Variants in MRPL44 observed in about 807,000 individuals in gnomAD.
MRPL44 encodes the protein large ribosomal subunit protein mL44.
In MRPL44, 21 loss-of-function variants were observed where a neutral mutation model predicts 25.9. That is an observed-to-expected ratio of 0.81 (90% CI 0.58 to 1.17). The LOEUF is 1.17. Among genes scored for constraint, MRPL44 ranks in the 50% most tolerant of loss-of-function variants. The pLI, the probability that MRPL44 is intolerant of heterozygous loss-of-function variation, is 0.00. For synonymous variants in MRPL44, 169 were observed against 151.0 expected (o/e 1.12, Z -0.87); for missense variants, 410 against 398.9 (o/e 1.03, Z -0.24).
At chr2:223,962,902 A>G (rs756263875) in intron 2 of MRPL44, among the ~76,000 whole-genome samples, 2 of 151,964 alleles carry the variant, frequency 1.3e-5, no homozygotes, top group African/African-American at 4.8e-5. Context: ...GGGTTTCACC[A>G]TGTTGGCCAG....
chr2:223,955,414 T>C (rs1689549866), upstream of MRPL44, among the ~76,000 whole-genome samples: 1 of 152,276 alleles, frequency 6.6e-6, no homozygotes, highest in Admixed American at 6.5e-5. Flanking sequence ...TTAGCTAATC[T>C]ATGAAGTAGT....
chr2:223,967,139 T>C lies in MRPL44; in HGVS notation c.*105T>C. ...CAATTGTGAAGAAATAGATGTTTTG[T>C]TTCTGTTTTTTACTGTGTTCCCAAA... On this transcript the variant is annotated 3_prime_UTR_variant, in exon 4 of 4. Coordinates refer to ENST00000258383, the MANE Select transcript of MRPL44 (RefSeq NM_022915.5). 1 of 1,152,372 alleles carries C rather than the reference T, an allele frequency of 8.7e-7. No homozygotes were observed. The highest frequency in any genetic ancestry group is 1.8e-5 in the South Asian group (1 of 54,412). 71.4% of individuals were successfully genotyped at this position (1,152,372 alleles called of 1,614,324 possible).
chr2:223,967,177 T>TC lies in MRPL44; in HGVS notation c.*143_*144insC, dbSNP rs1689755749. On this transcript the variant is annotated 3_prime_UTR_variant, in exon 4 of 4. Transcript: ENST00000258383. ...CTGTGTTCCCAAAATTAAATAAGTGTTAACCAAGTCACAGTGTTTTTGGTT... is the reference window on the plus strand; with the variant it reads ...CTGTGTTCCCAAAATTAAATAAGTGTCTAACCAAGTCACAGTGTTTTTGGTT... 1.3e-6 allele frequency: 1 copy of TC among 778,286 alleles called. No homozygotes were observed. The highest frequency in any genetic ancestry group is 1.8e-5 in the African/African-American group (1 of 56,188). The allele number at this position is 778,286 out of a possible 1,614,324, so 48.2% of individuals were successfully genotyped here.
chr2:223,957,688 G>A lies in MRPL44; in HGVS notation c.179+37G>A, dbSNP rs1369371097. The A allele has an allele frequency of 9.5e-6, 15 of 1,576,880 alleles. No individual in the cohort carries two copies. In the African/African-American group the frequency reaches 1.6e-4, roughly 17 times the overall value. ...CTCGGGAAGAGGTCTCAGGGTGGCG[G>A]TCGCAGACACTGGGTCTTCTTCCCG... On this transcript the variant is annotated intron_variant, in intron 1 of 3. Transcript: ENST00000258383.
chr2:223,953,961 C>G (rs1324226821), upstream of MRPL44, among the ~76,000 whole-genome samples: 1 of 152,166 alleles, frequency 6.6e-6, no homozygotes, highest in Non-Finnish European at 1.5e-5. Context: ...TAATAGGTAT[C>G]CCTCTCTCAG....
chr2:223,964,280 T>C (rs1463067703), intron 3 of MRPL44, among the ~76,000 whole-genome samples: 1 of 152,180 alleles, frequency 6.6e-6, no homozygotes, highest in East Asian at 1.9e-4. Flanking sequence ...TCAACCTTAA[T>C]CCATTCTTGT....
chr2:223,962,308 A>G (rs1689674089), intron 2 of MRPL44, among the ~76,000 whole-genome samples: 1 of 152,114 alleles, frequency 6.6e-6, no homozygotes, highest in African/African-American at 2.4e-5. Context: ...GATTATAGGT[A>G]TCAGCCACCA....
upstream of MRPL44, chr2:223,957,367 C>T: frequency 6.9e-7 from 1 of 1,456,942 alleles, no homozygotes; most frequent in Non-Finnish European, 9.5e-7. Flanking sequence ...CTGTCTCCGC[C>T]CCAGCCTTCT....
At chr2:223,958,736 C>T (rs139042127) in intron 1 of MRPL44, among the ~76,000 whole-genome samples, 2 of 152,162 alleles carry the variant, frequency 1.3e-5, no homozygotes, top group East Asian at 3.9e-4. Context: ...ACAGGTATAC[C>T]TCATACATAT....
chr2:223,961,236 G>A (rs1367072912), intron 2 of MRPL44, among the ~76,000 whole-genome samples: 1 of 152,228 alleles, frequency 6.6e-6, no homozygotes, highest in Non-Finnish European at 1.5e-5. Context: ...ACTTTAGTAA[G>A]GCTAGAAAAG....
At chr2:223,957,260 A>G (rs1689577539), upstream of MRPL44, 1 of 613,840 alleles carries the variant, frequency 1.6e-6, no homozygotes, top group Non-Finnish European at 2.9e-6. Flanking sequence ...CGAAGAGAGG[A>G]GAGAACTAGC....
At chr2:223,952,207 A>C in the MRPL44 span, among the ~76,000 whole-genome samples, 1 of 152,140 alleles carries the variant, frequency 6.6e-6, no homozygotes, top group African/African-American at 2.4e-5. Context: ...GTGGTGGGAC[A>C]TTGGAAGGTA....
At chr2:223,956,817 G>A (rs905984262), upstream of MRPL44, among the ~76,000 whole-genome samples, 3 of 151,776 alleles carry the variant, frequency 2.0e-5, no homozygotes, top group Non-Finnish European at 4.4e-5. Flanking sequence ...GAATTACATT[G>A]TTAAAGAGTG....
At chr2:223,959,424 T>G in intron 1 of MRPL44, 110 bp from the exon 2 acceptor site, 1 of 855,046 alleles carries the variant, frequency 1.2e-6, no homozygotes, top group Non-Finnish European at 1.8e-6. Flanking sequence ...AAATATAACC[T>G]TCTTTCATTT....
chr2:223,952,139 T>C, the MRPL44 span, among the ~76,000 whole-genome samples: 113 of 152,226 alleles, frequency 7.4e-4, no homozygotes, highest in Non-Finnish European at 1.2e-3. Flanking sequence ...TTCTGCAAAC[T>C]ACATGTCCCA....
upstream of MRPL44, among the ~76,000 whole-genome samples, chr2:223,953,307 G>C (rs1445383272): frequency 6.6e-6 from 1 of 151,884 alleles, no homozygotes; most frequent in African/African-American, 2.4e-5. Context: ...GATAATTTTT[G>C]TATTTTTAGT....
chr2:223,955,872 G>A (rs1574792004), upstream of MRPL44, among the ~76,000 whole-genome samples: 3 of 152,310 alleles, frequency 2.0e-5, no homozygotes, highest in East Asian at 1.9e-4. Context: ...ATAGACAAAT[G>A]TATGAGCAGA....
the MRPL44 span, among the ~76,000 whole-genome samples, chr2:223,951,799 T>C: frequency 6.6e-6 from 1 of 152,118 alleles, no homozygotes; most frequent in Non-Finnish European, 1.5e-5. Context: ...GACCTTGATC[T>C]CTAAATGTCT....
Position 223,959,910 on chromosome 2 carries a change from G to C in MRPL44, c.556G>C (p.Val186Leu), listed in dbSNP as rs1474120057. 1.2e-6 allele frequency: 2 copies of C among 1,614,090 alleles called. No individual in the cohort carries two copies. Among genetic ancestry groups the C allele is most frequent in the Admixed American group, 1.7e-5 (1 of 60,008 alleles). Residue 186 changes from valine to leucine, a missense_variant, in exon 2 of 4, where the codon GTG becomes CTG. Val to Leu is a conservative substitution (Grantham distance 32, BLOSUM62 1). Coordinates refer to ENST00000258383, the MANE Select transcript of MRPL44 (RefSeq NM_022915.5). ...GTTAACACTGAGTGAAGAATTCCCA[G>C]TGCCCCCAGCTGTGTTACAGCAGAC... ...EQLTLSEEFP[V>L]PPAVLQQTFF...
Sources: gnomAD v4.1 joint callset for allele counts (sites outside exome capture counted in the v4.1 genomes callset) on GRCh38, gnomAD v4.1.1 for gene constraint, MANE v1.5 for transcripts, NCBI Gene and HGNC (gene_info 2026-07-23, HGNC 2026-07-21) for gene names.